SCARF2: variants seen among roughly 807,000 people sequenced by gnomAD.
SCARF2 encodes the protein scavenger receptor class F member 2.
In SCARF2, 39 loss-of-function variants were observed where a neutral mutation model predicts 73.4. The observed-to-expected ratio is 0.53, with a 90% CI of 0.41 to 0.69. SCARF2 has a LOEUF of 0.69. Among genes scored for constraint, SCARF2 ranks in the 30% least tolerant of loss-of-function variants. The probability of loss-of-function intolerance (pLI) is 0.00; values close to 1 mark genes in which losing one functional copy is unlikely to be tolerated. For missense variants in SCARF2, 1,148 were observed against 1,303.5 expected (o/e 0.88, Z 1.84); for synonymous variants, 605 against 590.0 (o/e 1.03, Z -0.37).
chr22:20,425,374 G>A lies in SCARF2; in HGVS notation c.*1C>T. 1.4e-6 allele frequency: 2 copies of A among 1,419,404 alleles called. No homozygotes were observed. Among genetic ancestry groups the A allele is most frequent in the Non-Finnish European group, 1.8e-6 (2 of 1,082,708 alleles). 87.9% of individuals were successfully genotyped at this position (1,419,404 alleles called of 1,614,324 possible). The stretch of plus-strand genomic sequence containing the variant: ...GCTGCGCGCGGACGAGCCACAGCCT[G>A]CTACAGGGTGGGTGCGCCCGCCCTG... On this transcript the variant is annotated 3_prime_UTR_variant, in exon 11 of 11. Transcript: ENST00000622235. The surrounding 1 kb of genome is among the most constrained non-coding windows in gnomAD (Gnocchi z 4.6).
intron 1 of SCARF2, among the ~76,000 whole-genome samples, chr22:20,435,779 C>T (rs1218267192): frequency 2.0e-5 from 3 of 152,276 alleles, no homozygotes; most frequent in Non-Finnish European, 2.9e-5. Flanking sequence ...TGTCTAGACA[C>T]ACTTGCTTTT....
Position 20,426,110 on chromosome 22 carries a change from C to T in SCARF2, c.1866G>A (p.Leu622=), listed in dbSNP as rs1365143508. The T allele has an allele frequency of 2.0e-6, 3 of 1,484,158 alleles. No homozygotes were observed. The highest frequency in any genetic ancestry group is 1.4e-5 in the African/African-American group (1 of 69,488). 91.9% of individuals were successfully genotyped at this position (1,484,158 alleles called of 1,614,324 possible). A position where few individuals can be genotyped will look rare whatever the true frequency, so the allele number is the denominator to read the frequency against. The change falls in exon 11 of 11, where the codon CTG becomes CTA. Residue 622 remains leucine (L), a synonymous_variant. Coordinates refer to ENST00000622235, the MANE Select transcript of SCARF2 (RefSeq NM_182895.5). ...ASSVEGPGGA[L]YARVARREAR... is the part of the protein sequence containing the mutation. ...CCTCGCGTCGGGCCACGCGCGCGTACAGAGCCCCTCCGGGCCCCTCCACGC... is the reference window on the plus strand; with the variant it reads ...CCTCGCGTCGGGCCACGCGCGCGTATAGAGCCCCTCCGGGCCCCTCCACGC...
Position 20,426,216 on chromosome 22 carries a change from G to A in SCARF2, c.1760C>T (p.Pro587Leu). 2 of 1,532,514 alleles carry A rather than the reference G, an allele frequency of 1.3e-6. No individual in the cohort carries two copies. Among genetic ancestry groups the A allele is most frequent in the East Asian group, 2.4e-5 (1 of 41,378 alleles). 94.9% of individuals were successfully genotyped at this position (1,532,514 alleles called of 1,614,324 possible). A position where few individuals can be genotyped will look rare whatever the true frequency, so the allele number is the denominator to read the frequency against. Residue 587 changes from proline (P) to leucine (L), a missense_variant, in exon 11 of 11, where the codon CCT becomes CTT. Around this residue, in one of 5 missense-constraint regions of SCARF2, gnomAD observed 437 missense variants for 433.6 expected, o/e 1.01. Coordinates refer to ENST00000622235, the MANE Select transcript of SCARF2 (RefSeq NM_182895.5). ...TVPAEAPAPS[P>L]VPLTTPASAE... ...GGAGGCTGGCGTGGTCAAGGGCACA[G>A]GGGACGGCGCCGGCGCCTCGGCAGG...
chr22:20,436,563 C>T (rs1474135313), intron 1 of SCARF2, among the ~76,000 whole-genome samples: 1 of 152,046 alleles, frequency 6.6e-6, no homozygotes, highest in Admixed American at 6.5e-5. Context: ...GCTGCCCCCT[C>T]GCAGCCCCTT....
At position 20,426,242 on chromosome 22, in the gene SCARF2, G is replaced by C. The variant is rs1376314966; in HGVS notation, c.1734C>G (p.Val578=). ...GGGACGGCGCCGGCGCCTCGGCAGG[G>C]ACAGTGGGGACTTCGGGGTCCCGGC... The part of the protein sequence containing the change: ...AESRDPEVPT[V]PAEAPAPSPV... The change falls in exon 11 of 11, where the codon GTC becomes GTG. Residue 578 remains valine (V), a synonymous_variant. Transcript: ENST00000622235. 1 of 1,536,826 alleles carries C rather than the reference G, an allele frequency of 6.5e-7. No individual in the cohort carries two copies. Among genetic ancestry groups the C allele is most frequent in the Non-Finnish European group, 8.7e-7 (1 of 1,147,704 alleles).
At position 20,430,710 on chromosome 22, in the gene SCARF2, G is replaced by T. The variant is rs781093095; in HGVS notation, c.1053C>A (p.Asn351Lys). ...CTCACCGGTCGCCGATCCAGCCCGC[G>T]TTGCAGCGCGTACACTTGCCGGTGA... ...NHVTGKCTRCNAGWIGDRCET... is the reference protein window; with the variant it reads ...NHVTGKCTRCKAGWIGDRCET... The change falls in exon 5 of 11, where the codon AAC becomes AAA. Residue 351 changes from asparagine (N) to lysine (K), a missense_variant. By Grantham distance (94) the Asn-to-Lys change is moderately conservative. Around this residue, in one of 5 missense-constraint regions of SCARF2, gnomAD observed 372 missense variants for 532.0 expected, o/e 0.70. Coordinates refer to ENST00000622235, the MANE Select transcript of SCARF2 (RefSeq NM_182895.5). 3.7e-6 allele frequency: 6 copies of T among 1,603,804 alleles called. No individual in the cohort carries two copies. The highest frequency in any genetic ancestry group is 5.1e-6 in the Non-Finnish European group (6 of 1,175,776).
In SCARF2 at chr22:20,430,920, G is replaced by T; in HGVS notation, c.855-12C>A. 6.3e-7 allele frequency: 1 copy of T among 1,581,972 alleles called. No homozygotes were observed. ...TGCACTGGCCACACCTGGGGGAGGG[G>T]TCGGAGGCTAGGGAAGGCTGGGACC... On this transcript the variant is annotated splice_polypyrimidine_tract_variant and intron_variant, in intron 4 of 10. Coordinates refer to ENST00000622235, the MANE Select transcript of SCARF2 (RefSeq NM_182895.5).
In SCARF2 at chr22:20,430,527, G is replaced by A. The variant is rs921038430; in HGVS notation, c.1104C>T (p.Tyr368=). ...CGCACACGAAGGCGCAGTCCTCGCC[G>A]TAAGTGCCATTGCTACACTTGGTCT... ...RCETKCSNGT[Y]GEDCAFVCAD... Residue 368 remains tyrosine (Y), a synonymous_variant, in exon 6 of 11, where the codon TAC becomes TAT. Transcript: ENST00000622235. 10 of 1,608,872 alleles carry A rather than the reference G, an allele frequency of 6.2e-6. No homozygotes were observed. Among genetic ancestry groups the A allele is most frequent in the East Asian group, 2.2e-5 (1 of 44,654 alleles).
chr22:20,426,445 A>G (rs1049429904), intron 10 of SCARF2, among the ~76,000 whole-genome samples, 163 bp from the exon 11 acceptor site: 1 of 152,234 alleles, frequency 6.6e-6, no homozygotes, highest in African/African-American at 2.4e-5. Context: ...ACACATGTGT[A>G]CTTCAGAGCC....
intron 9 of SCARF2, among the ~76,000 whole-genome samples, chr22:20,427,764 G>A (rs2052596554): frequency 6.6e-6 from 1 of 152,244 alleles, no homozygotes; most frequent in African/African-American, 2.4e-5. Context: ...GGCACAACAT[G>A]TGTTAAGGTG....
Position 20,429,491 on chromosome 22 carries a change from G to A in SCARF2, c.1424+45C>T, listed in dbSNP as rs768196062. On this transcript the variant is annotated intron_variant, in intron 8 of 10. Coordinates refer to ENST00000622235, the MANE Select transcript of SCARF2 (RefSeq NM_182895.5). The surrounding 1 kb of genome is among the most constrained non-coding windows in gnomAD (Gnocchi z 5.2). ...ATCTGGGTCCGGTGGCACCCAGAGG[G>A]TGCGGCCTGAACCCAGGCGAAAGCG... is the stretch of plus-strand genomic sequence containing the variant. 6.2e-7 allele frequency: 1 copy of A among 1,606,044 alleles called. No individual in the cohort carries two copies. The highest frequency in any genetic ancestry group is 8.5e-7 in the Non-Finnish European group (1 of 1,177,666).
In SCARF2 at chr22:20,431,965, G is replaced by T; in HGVS notation, c.197C>A (p.Ala66Asp). Reference sequence around the variant, plus strand: ...CTCGTCCCCTTGCTGCCTCCAGCCAGCGCAGCACGTGGGCACCTGGGAGCT... The same window carrying T: ...CTCGTCCCCTTGCTGCCTCCAGCCATCGCAGCACGTGGGCACCTGGGAGCT... ...APGSQVPTCC[A>D]GWRQQGDECG... The change falls in exon 2 of 11, where the codon GCT becomes GAT. Residue 66 changes from alanine to aspartate, a missense_variant. This residue lies in a region of SCARF2 where 124 missense variants were observed against 120.4 expected (regional missense o/e 1.03). Transcript: ENST00000622235. The T allele has an allele frequency of 1.3e-6, 2 of 1,583,706 alleles. No individual in the cohort carries two copies. The highest frequency in any genetic ancestry group is 1.7e-6 in the Non-Finnish European group (2 of 1,165,742).
chr22:20,425,417 C>T lies in SCARF2; in HGVS notation c.2559G>A (p.Glu853=), dbSNP rs760560640. 2 of 1,431,150 alleles carry T rather than the reference C, an allele frequency of 1.4e-6. No homozygotes were observed. The highest frequency in any genetic ancestry group is 2.8e-5 in the East Asian group (1 of 35,934). The allele number at this position is 1,431,150 out of a possible 1,614,324, so 88.7% of individuals were successfully genotyped here. Residue 853 remains glutamate (E), a synonymous_variant, in exon 11 of 11, where the codon GAG becomes GAA. Transcript: ENST00000622235. This position sits in a 1 kb window ranked among gnomAD's most constrained non-coding sequence, Gnocchi z 4.6. ...CCGCCCTGCCCAGCTCGCCCGCCGC[C>T]TCCCGGCTCTTCTTGCGCGGCGGCT... ...IQKPPRKKSR[E]AAGELGRAGA...
At chr22:20,431,563 G>A in intron 3 of SCARF2, 26 bp from the exon 4 acceptor site, 1 of 1,555,546 alleles carries the variant, frequency 6.4e-7, no homozygotes, top group Non-Finnish European at 8.7e-7. Context: ...GGAGGGGGTG[G>A]AAGGCCCCGG....
Position 20,425,158 on chromosome 22 carries a change from C to A in SCARF2, c.*217G>T, listed in dbSNP as rs2052556937. On this transcript the variant is annotated 3_prime_UTR_variant, in exon 11 of 11. Coordinates refer to ENST00000622235, the MANE Select transcript of SCARF2 (RefSeq NM_182895.5). This position sits in a 1 kb window ranked among gnomAD's most constrained non-coding sequence, Gnocchi z 4.6. ...GGGGAGGGAGTCGCCCGCTAAGCGC[C>A]TGTCAGGCCTCGACCAACGGGATGG... is the stretch of plus-strand genomic sequence containing the variant. 2.5e-6 allele frequency: 1 copy of A among 404,844 alleles called. No homozygotes were observed. Among genetic ancestry groups the A allele is most frequent in the Non-Finnish European group, 4.3e-6 (1 of 232,986 alleles). The allele number at this position is 404,844 out of a possible 1,614,324, so 25.1% of individuals were successfully genotyped here. A position where few individuals can be genotyped will look rare whatever the true frequency, so the allele number is the denominator to read the frequency against.
intron 1 of SCARF2, 115 bp from the exon 2 acceptor site, chr22:20,432,103 C>T: frequency 4.6e-6 from 5 of 1,087,268 alleles, no homozygotes; most frequent in Admixed American, 2.0e-5. Context: ...CGCTCCTGTC[C>T]TAGGGGGGTG....
chr22:20,427,730 A>G (rs149802557), intron 9 of SCARF2, among the ~76,000 whole-genome samples, 180 bp from the exon 10 acceptor site: 3 of 152,346 alleles, frequency 2.0e-5, no homozygotes, highest in African/African-American at 7.2e-5. Context: ...GAATGGGTAG[A>G]GGTGAACCCA....
In SCARF2 at chr22:20,431,725, C is replaced by A; in HGVS notation, c.334+20G>T. Reference sequence around the variant, plus strand: ...AGGATTCCGCCCCACCGACCAATACCGGCCCGACCCCACGCTCACTGGTGT... The same window carrying A: ...AGGATTCCGCCCCACCGACCAATACAGGCCCGACCCCACGCTCACTGGTGT... On this transcript the variant is annotated intron_variant, in intron 3 of 10. Transcript: ENST00000622235. 6.4e-7 allele frequency: 1 copy of A among 1,554,900 alleles called. No individual in the cohort carries two copies. Among genetic ancestry groups the A allele is most frequent in the Non-Finnish European group, 8.7e-7 (1 of 1,149,064 alleles).
chr22:20,433,208 G>T (rs73879366), intron 1 of SCARF2, among the ~76,000 whole-genome samples: 109 of 152,308 alleles, frequency 7.2e-4, no homozygotes, highest in African/African-American at 2.4e-3. Context: ...ATGAGCTGGG[G>T]TTAGCCCACA....
Sources: gnomAD v4.1 joint callset for allele counts (sites outside exome capture counted in the v4.1 genomes callset) on GRCh38, gnomAD v4.1.1 for gene constraint, gnomAD v4.1.1 regional missense constraint, Gnocchi (gnomAD v3.1) non-coding constraint, MANE v1.5 for transcripts, NCBI Gene and HGNC (gene_info 2026-07-23, HGNC 2026-07-21) for gene names.